The following RBFOX3 variants were observed in gnomAD, a reference collection of about 807,000 sequenced individuals.
RBFOX3 encodes RNA binding protein fox-1 homolog 3.
In RBFOX3, 17 loss-of-function variants were observed where a neutral mutation model predicts 48.7. That is an observed-to-expected ratio of 0.35 (90% CI 0.24 to 0.52). The LOEUF (loss-of-function observed/expected upper bound fraction) is 0.52, where lower values mean the gene tolerates loss of function less well. Among genes scored for constraint, RBFOX3 ranks in the 20% least tolerant of loss-of-function variants. The probability of loss-of-function intolerance (pLI) is 0.94; values close to 1 mark genes in which losing one functional copy is unlikely to be tolerated. For missense variants in RBFOX3, 382 were observed against 497.5 expected (o/e 0.77, Z 2.21); for synonymous variants, 212 against 209.5 (o/e 1.01, Z -0.10).
intron 4 of RBFOX3, among the ~76,000 whole-genome samples, chr17:79,211,066 C>T (rs1463264640): frequency 6.6e-6 from 1 of 151,472 alleles, no homozygotes; most frequent in Admixed American, 6.6e-5. Flanking sequence ...GCAGAGGGTG[C>T]AACCCACAGC....
At chr17:79,263,420 T>C (rs2066129017) in intron 3 of RBFOX3, among the ~76,000 whole-genome samples, 1 of 152,216 alleles carries the variant, frequency 6.6e-6, no homozygotes, top group Non-Finnish European at 1.5e-5. Context: ...CACGTGGAGT[T>C]TCTGCGGACA....
rs2063615942 is a variant in RBFOX3, at chr17:79,249,424, GC to G, written c.-73-13620del. Among the ~76,000 whole-genome samples, 1 of 152,038 alleles carries G rather than the reference GC, an allele frequency of 6.6e-6. No individual in the cohort carries two copies. Among genetic ancestry groups the G allele is most frequent in the African/African-American group, 2.4e-5 (1 of 41,394 alleles). The stretch of plus-strand genomic sequence containing the variant: ...TGCTTTGACATCTGAAGCCTTGCTG[GC>G]CCTGGGGAGACGGCTCCTCCCAAAG... On this transcript the variant is annotated intron_variant, in intron 3 of 14. Transcript: ENST00000693108. This position sits in a 1 kb window ranked among gnomAD's most constrained non-coding sequence, Gnocchi z 4.1.
At chr17:79,197,458 G>A (rs1167886337) in intron 4 of RBFOX3, among the ~76,000 whole-genome samples, 7 of 146,702 alleles carry the variant, frequency 4.8e-5, no homozygotes, top group Non-Finnish European at 8.9e-5. Context: ...GCATGATCTC[G>A]GCTCACCGCA....
At chr17:79,294,732 T>C (rs942472737) in intron 3 of RBFOX3, among the ~76,000 whole-genome samples, 1 of 152,290 alleles carries the variant, frequency 6.6e-6, no homozygotes, top group East Asian at 1.9e-4. Flanking sequence ...GGGGGCCACG[T>C]GGAGGAGGCC....
intron 4 of RBFOX3, among the ~76,000 whole-genome samples, chr17:79,200,627 G>C (rs2056604651): frequency 6.6e-6 from 1 of 152,174 alleles, no homozygotes; most frequent in African/African-American, 2.4e-5. Context: ...GGGACATGAG[G>C]TGTCTCAGGT....
At chr17:79,483,884 C>T (rs375846831) in intron 1 of RBFOX3, among the ~76,000 whole-genome samples, 28 of 152,242 alleles carry the variant, frequency 1.8e-4, no homozygotes, top group African/African-American at 5.8e-4. Context: ...CAGGAATTCC[C>T]GGGATATGGA....
chr17:79,188,361 CAG>C (rs1214537037), intron 4 of RBFOX3, among the ~76,000 whole-genome samples: 2 of 152,234 alleles, frequency 1.3e-5, no homozygotes, highest in Non-Finnish European at 2.9e-5. Context: ...CTGGCCCCAG[CAG>C]AGACTGCAGC....
Position 79,319,929 on chromosome 17 carries a change from T to C in RBFOX3, c.-174-12105A>G, listed in dbSNP as rs2078234161. 2.2e-5 allele frequency among the ~76,000 whole-genome samples: 3 copies of C among 137,524 alleles called. 1 individual carries two copies. The highest frequency in any genetic ancestry group is 8.9e-5 in the African/African-American group (3 of 33,816). 90.2% of individuals were successfully genotyped at this position (137,524 alleles called of 152,430 possible). On this transcript the variant is annotated intron_variant, in intron 2 of 14. Transcript: ENST00000693108. ...TCTATGTCTGGGCTGCTGGTCTATG[T>C]CTGGGCTGTTGGTCTTGTCCAGGCT...
At chr17:79,484,841 G>A (rs962784244) in intron 1 of RBFOX3, among the ~76,000 whole-genome samples, 19 of 152,192 alleles carry the variant, frequency 1.2e-4, no homozygotes, top group Non-Finnish European at 1.5e-4. Context: ...TGAGCCTGCT[G>A]TCCACACCCC....
intron 4 of RBFOX3, among the ~76,000 whole-genome samples, chr17:79,145,794 C>T (rs552029687): frequency 4.6e-5 from 7 of 152,272 alleles, no homozygotes; most frequent in African/African-American, 7.2e-5. Context: ...GGCTCTCAGC[C>T]GGGCGACGGT....
chr17:79,354,509 C>T (rs761776991), intron 2 of RBFOX3, among the ~76,000 whole-genome samples: 9 of 152,238 alleles, frequency 5.9e-5, no homozygotes, highest in Non-Finnish European at 1.2e-4. Flanking sequence ...ATAGTTCAGC[C>T]CTTTCAGTCT....
At chr17:79,094,609 C>T (rs1445147605) in intron 13 of RBFOX3, 80 bp from the exon 14 acceptor site, 2 of 885,004 alleles carry the variant, frequency 2.3e-6, no homozygotes, top group East Asian at 3.3e-5. Context: ...CCTCCCACCT[C>T]CTCCCAGACA....
chr17:79,357,232 T>C (rs960891005), intron 2 of RBFOX3, among the ~76,000 whole-genome samples: 2 of 152,182 alleles, frequency 1.3e-5, no homozygotes, highest in Non-Finnish European at 2.9e-5. Context: ...ATGAGCACAC[T>C]CGCCTTTAAG....
At chr17:79,529,598 G>A (rs1465228146) in intron 1 of RBFOX3, among the ~76,000 whole-genome samples, 5 of 152,350 alleles carry the variant, frequency 3.3e-5, no homozygotes, top group African/African-American at 1.2e-4. Context: ...GAGGCCCCAA[G>A]AGGGAAGAGG....
At chr17:79,092,567 T>C in intron 14 of RBFOX3, 1 of 987,290 alleles carries the variant, frequency 1.0e-6, no homozygotes, top group Non-Finnish European at 1.2e-6. Context: ...AGGCAGTCAG[T>C]GTGAATGCTG....
intron 3 of RBFOX3, among the ~76,000 whole-genome samples, chr17:79,275,415 C>T (rs936672442): frequency 4.6e-5 from 7 of 152,168 alleles, no homozygotes; most frequent in African/African-American, 1.7e-4. Flanking sequence ...CTGCTGAGCA[C>T]TCACGTGATC....
intron 4 of RBFOX3, among the ~76,000 whole-genome samples, chr17:79,166,497 G>A (rs8067647): frequency 0.022 from 3,292 of 152,114 alleles, 97 homozygotes; most frequent in African/African-American, 0.074. Flanking sequence ...AGCCACCCAC[G>A]GGGAGCTGAG....
At chr17:79,179,618 A>G (rs555177017) in intron 4 of RBFOX3, among the ~76,000 whole-genome samples, 3 of 152,154 alleles carry the variant, frequency 2.0e-5, no homozygotes, top group Admixed American at 6.5e-5. Context: ...AGGATGGAAT[A>G]AGATTCTCTT....
chr17:79,533,022 G>A (rs1300865094), intron 1 of RBFOX3, among the ~76,000 whole-genome samples: 3 of 152,254 alleles, frequency 2.0e-5, no homozygotes, highest in African/African-American at 4.8e-5. Flanking sequence ...AAGACGCAGC[G>A]CTTGTCCTGT....
Sources: gnomAD v4.1 joint callset for allele counts (sites outside exome capture counted in the v4.1 genomes callset) on GRCh38, gnomAD v4.1.1 for gene constraint, Gnocchi (gnomAD v3.1) non-coding constraint, MANE v1.5 for transcripts, NCBI Gene and HGNC (gene_info 2026-07-23, HGNC 2026-07-21) for gene names.